Variants in SHROOM3 observed in about 807,000 individuals in gnomAD.
SHROOM3 encodes the protein shroom family member 3, also known as protein Shroom3.
A neutral mutation model predicts 138.6 loss-of-function variants in SHROOM3; 47 were observed. That is an observed-to-expected ratio of 0.34 (90% CI 0.27 to 0.43). SHROOM3 has a LOEUF of 0.43. SHROOM3 is among the 20% of genes least tolerant of loss of function. The pLI is 1.00. For missense variants in SHROOM3, 2,491 were observed against 2,596.5 expected, an observed-to-expected ratio of 0.96 and a Z score of 0.88; for synonymous variants, 1,062 against 1,063.3, an observed-to-expected ratio of 1.00 and a Z score of 0.02.
intron 1 of SHROOM3, among the ~76,000 whole-genome samples, chr4:76,517,602 G>GGCC (rs1732468957): frequency 7.4e-6 from 1 of 136,018 alleles, no homozygotes; most frequent in African/African-American, 2.7e-5. Flanking sequence ...GTTGCTTAGG[G>GGCC]TTTTTGTTTG....
chr4:76,684,428 G>A (rs141864622), intron 2 of SHROOM3, among the ~76,000 whole-genome samples: 1 of 152,200 alleles, frequency 6.6e-6, no homozygotes, highest in African/African-American at 2.4e-5. Context: ...TAACCTTTTT[G>A]CCTCTGTTTA....
At chr4:76,663,363 A>G (rs911435526) in intron 2 of SHROOM3, among the ~76,000 whole-genome samples, 1 of 151,942 alleles carries the variant, frequency 6.6e-6, no homozygotes, top group Admixed American at 6.6e-5. Context: ...AGAATAAGTA[A>G]TCATAGGCCT....
rs145950038 is a variant in SHROOM3, at chr4:76,533,223, T to C, written c.169-22386T>C. Among the ~76,000 whole-genome samples the C allele has an allele frequency of 7.3e-3, 1,116 of 152,340 alleles. 5 individuals carry two copies. The highest frequency in any genetic ancestry group is 0.013 in the Non-Finnish European group (864 of 68,024). Reference sequence around the variant, plus strand: ...GGGCCCAGATTATTATTTGTCCTCATATAGCTGGGTCTTGATGAGCTATCA... The same window carrying C: ...GGGCCCAGATTATTATTTGTCCTCACATAGCTGGGTCTTGATGAGCTATCA... On this transcript the variant is annotated intron_variant, in intron 1 of 10. Transcript: ENST00000296043.
At chr4:76,735,014 C>G (rs954484226) in intron 4 of SHROOM3, among the ~76,000 whole-genome samples, 2 of 151,914 alleles carry the variant, frequency 1.3e-5, no homozygotes, top group Non-Finnish European at 2.9e-5. Flanking sequence ...ACTCTGAGAC[C>G]CTGAGATGGG....
intron 1 of SHROOM3, among the ~76,000 whole-genome samples, chr4:76,473,330 G>C: frequency 6.6e-6 from 1 of 152,196 alleles, no homozygotes; most frequent in South Asian, 2.1e-4. Flanking sequence ...TGACAAGGCT[G>C]GGTGTGGTGG....
intron 4 of SHROOM3, among the ~76,000 whole-genome samples, chr4:76,738,553 TA>T (rs940068352): frequency 3.9e-5 from 6 of 152,206 alleles, no homozygotes; most frequent in Non-Finnish European, 7.3e-5. Context: ...GGTGATTAAT[TA>T]GAGGCAGATA....
At chr4:76,519,580 T>C (rs1222888804) in intron 1 of SHROOM3, among the ~76,000 whole-genome samples, 2 of 152,176 alleles carry the variant, frequency 1.3e-5, no homozygotes, top group African/African-American at 2.4e-5. Context: ...TATCTAGTAC[T>C]GAACCAGAAA....
chr4:76,547,884 TGCATCACTGCACTCCA>T (rs980720037), intron 1 of SHROOM3, among the ~76,000 whole-genome samples: 14 of 151,028 alleles, frequency 9.3e-5, no homozygotes, highest in Non-Finnish European at 1.6e-4. Flanking sequence ...GAGCCGAGAT[TGCATCACTGCACTCCA>T]GCCTGGGTGA....
At chr4:76,518,887 G>A (rs536165885) in intron 1 of SHROOM3, among the ~76,000 whole-genome samples, 1 of 152,144 alleles carries the variant, frequency 6.6e-6, no homozygotes, top group Non-Finnish European at 1.5e-5. Flanking sequence ...AAGCGCAAGG[G>A]CATAGAGATT....
At chr4:76,494,084 T>A (rs1396538795) in intron 1 of SHROOM3, among the ~76,000 whole-genome samples, 6 of 152,210 alleles carry the variant, frequency 3.9e-5, no homozygotes, top group Admixed American at 1.3e-4. Context: ...TGGGTGGACC[T>A]TATTTTTCTC....
At chr4:76,748,814 CTTTTTT>C (rs34047499) in intron 5 of SHROOM3, among the ~76,000 whole-genome samples, 197 bp from the exon 6 acceptor site, 1 of 100,574 alleles carries the variant, frequency 9.9e-6, no homozygotes, top group Non-Finnish European at 1.9e-5. Context: ...TCTGACTCTG[CTTTTTT>C]TTTTTTTTTT....
At chr4:76,580,704 G>C (rs1230655106) in intron 2 of SHROOM3, among the ~76,000 whole-genome samples, 1 of 152,156 alleles carries the variant, frequency 6.6e-6, no homozygotes, top group African/African-American at 2.4e-5. Flanking sequence ...GGGATTACAG[G>C]CGTGAGCCAC....
At chr4:76,747,205 G>A (rs534890464) in intron 5 of SHROOM3, among the ~76,000 whole-genome samples, 1 of 152,262 alleles carries the variant, frequency 6.6e-6, no homozygotes, top group South Asian at 2.1e-4. Context: ...CACTTAACAA[G>A]TTGGTATAAT....
At chr4:76,672,978 G>C (rs1010271295) in intron 2 of SHROOM3, among the ~76,000 whole-genome samples, 4 of 152,138 alleles carry the variant, frequency 2.6e-5, no homozygotes, top group Admixed American at 6.6e-5. Context: ...AAACTAAAGG[G>C]AGCATACATC....
chr4:76,682,594 G>A (rs1018919369), intron 2 of SHROOM3, among the ~76,000 whole-genome samples: 32 of 151,912 alleles, frequency 2.1e-4, no homozygotes, highest in African/African-American at 7.5e-4. Flanking sequence ...TCAGTAGGTG[G>A]CAGTTGAATT....
intron 1 of SHROOM3, among the ~76,000 whole-genome samples, chr4:76,488,717 G>A (rs1731787685): frequency 6.6e-6 from 1 of 152,154 alleles, no homozygotes; most frequent in Non-Finnish European, 1.5e-5. Flanking sequence ...CTGTTGACAG[G>A]TGGCCAAGCC....
At chr4:76,679,720 C>A (rs1044678537) in intron 2 of SHROOM3, among the ~76,000 whole-genome samples, 41 of 152,164 alleles carry the variant, frequency 2.7e-4, no homozygotes, top group Non-Finnish European at 5.0e-4. Flanking sequence ...AGGTTAGGTT[C>A]TGAATGCCAT....
At chr4:76,525,807 G>T (rs1732677065) in intron 1 of SHROOM3, among the ~76,000 whole-genome samples, 1 of 152,146 alleles carries the variant, frequency 6.6e-6, no homozygotes. Flanking sequence ...GCCTCAGCAT[G>T]GATGCAGGAT....
intron 1 of SHROOM3, among the ~76,000 whole-genome samples, chr4:76,477,248 C>T (rs988242250): frequency 4.6e-5 from 7 of 152,082 alleles, no homozygotes; most frequent in South Asian, 4.1e-4. Context: ...GGATTATGGG[C>T]GTGAGCCACC....
Sources: allele counts gnomAD v4.1 joint callset (sites outside exome capture counted in the v4.1 genomes callset), GRCh38; gene constraint gnomAD v4.1.1; transcripts MANE v1.5; gene names NCBI Gene and HGNC (gene_info 2026-07-23, HGNC 2026-07-21).